The following APPBP2 variants were observed in gnomAD, a reference collection of about 807,000 sequenced individuals.
APPBP2 encodes amyloid protein-binding protein 2.
APPBP2 carries 15 observed loss-of-function variants against 76.0 expected under a neutral mutation model. That is an observed-to-expected ratio of 0.20 (90% CI 0.13 to 0.30). The LOEUF is 0.30. Ranked by LOEUF, APPBP2 falls within the 10% of genes least tolerant of loss-of-function variation. The pLI is 1.00. For missense variants in APPBP2, 401 were observed against 687.2 expected (o/e 0.58, Z 4.66); for synonymous variants, 222 against 242.2 (o/e 0.92, Z 0.77).
chr17:60,494,409 C>A (rs1157867367), intron 3 of APPBP2, 57 bp downstream of exon 3: 1 of 1,565,728 alleles, frequency 6.4e-7, no homozygotes, highest in Non-Finnish European at 8.6e-7. Context: ...TCTTTGTTAG[C>A]AGATTTAATT....
Position 60,462,019 on chromosome 17 carries a change from T to C in APPBP2, c.805A>G (p.Ile269Val). ...CGTGCCAAATACACTGCATGTTTAA[T>C]TAACTGTTCTGCCTTCTTAAATTCA... ...KREFKKAEQL[I>V]KHAVYLARDH... The change falls in exon 7 of 13, where the codon ATT becomes GTT. Residue 269 changes from isoleucine to valine, a missense_variant. This residue lies in a region of APPBP2 where 130 missense variants were observed against 322.7 expected (regional missense o/e 0.40). Transcript: ENST00000083182. 1.2e-6 allele frequency: 2 copies of C among 1,613,684 alleles called. No homozygotes were observed. The highest frequency in any genetic ancestry group is 1.7e-5 in the Admixed American group (1 of 60,018).
chr17:60,517,327 T>C (rs1219050423), intron 1 of APPBP2, among the ~76,000 whole-genome samples: 2 of 152,172 alleles, frequency 1.3e-5, no homozygotes, highest in East Asian at 3.8e-4. Flanking sequence ...AATGAGTCCT[T>C]TGTCAGATAC....
rs114231548 is a variant in APPBP2 at position 60,494,247 on chromosome 17, T to C, written c.379+219A>G. 4.4e-3 allele frequency among the ~76,000 whole-genome samples: 675 copies of C among 152,348 alleles called. 3 individuals are homozygous for C. Among genetic ancestry groups the C allele is most frequent in the African/African-American group, 0.015 (616 of 41,576 alleles). Reference sequence around the variant, plus strand: ...TGAGTCTGTTTCCTCATTTGTAAAATGCTATTAATACCATCACTTCGTTGG... The same window carrying C: ...TGAGTCTGTTTCCTCATTTGTAAAACGCTATTAATACCATCACTTCGTTGG... On this transcript the variant is annotated intron_variant, in intron 3 of 12. Coordinates refer to ENST00000083182, the MANE Select transcript of APPBP2 (RefSeq NM_006380.5).
At chr17:60,522,541 G>C (rs541457764) in intron 1 of APPBP2, among the ~76,000 whole-genome samples, 1 of 152,012 alleles carries the variant, frequency 6.6e-6, no homozygotes, top group East Asian at 1.9e-4. Context: ...GGCTGGTCTC[G>C]AACTCCTGTG....
intron 1 of APPBP2, among the ~76,000 whole-genome samples, chr17:60,507,707 C>T (rs73330212): frequency 0.2 from 29,661 of 152,056 alleles, 9,607 homozygotes; most frequent in African/African-American, 0.67. Context: ...TCGAGATTAA[C>T]CCGGTTGGTA....
intron 2 of APPBP2, 127 bp from the exon 3 acceptor site, chr17:60,494,744 T>C: frequency 1.1e-6 from 1 of 913,428 alleles, no homozygotes; most frequent in East Asian, 2.9e-5. Flanking sequence ...AAAAAGCATT[T>C]TGCCTTATCA....
At chr17:60,494,716 T>C in intron 2 of APPBP2, 99 bp from the exon 3 acceptor site, 3 of 1,103,242 alleles carry the variant, frequency 2.7e-6, no homozygotes, top group East Asian at 5.4e-5. Flanking sequence ...ACCATTATTT[T>C]CCAGGACGGA....
At chr17:60,460,503 G>C (rs2090468792) in intron 9 of APPBP2, 160 bp downstream of exon 9, 2 of 676,928 alleles carry the variant, frequency 3.0e-6, no homozygotes, top group South Asian at 3.6e-5. Context: ...ATGACTTCAA[G>C]AACATTTTAG....
At chr17:60,509,395 T>G (rs1281278865) in intron 1 of APPBP2, among the ~76,000 whole-genome samples, 1 of 150,488 alleles carries the variant, frequency 6.6e-6, no homozygotes, top group Non-Finnish European at 1.5e-5. Flanking sequence ...AAAAAAAACA[T>G]GTTTGAAACA....
chr17:60,517,023 T>C (rs2143497274), intron 1 of APPBP2, among the ~76,000 whole-genome samples: 1 of 152,312 alleles, frequency 6.6e-6, no homozygotes. Context: ...TCGCCCAGCC[T>C]GGAGTGCAAT....
chr17:60,464,104 T>C lies in APPBP2; in HGVS notation c.679A>G (p.Lys227Glu), dbSNP rs1345902088. The change falls in exon 6 of 13, where the codon AAA becomes GAA. Residue 227 changes from lysine (K) to glutamate (E), a missense_variant. This residue lies in a region of APPBP2 where 64 missense variants were observed against 72.9 expected (regional missense o/e 0.88). Coordinates refer to ENST00000083182, the MANE Select transcript of APPBP2 (RefSeq NM_006380.5). ...TCTTTCATTGCCTCGATGCACCATT[T>C]GTATGCCTAAAAAAATTATTTATAG... ...FAKSHYDEAY[K>E]WCIEAMKEIT... is the part of the protein sequence containing the mutation. The C allele has an allele frequency of 1.2e-6, 2 of 1,607,234 alleles. No homozygotes were observed. Among genetic ancestry groups the C allele is most frequent in the Non-Finnish European group, 1.7e-6 (2 of 1,177,596 alleles).
chr17:60,506,896 C>T (rs1024496252), intron 1 of APPBP2, among the ~76,000 whole-genome samples: 6 of 152,038 alleles, frequency 3.9e-5, no homozygotes, highest in Non-Finnish European at 5.9e-5. Flanking sequence ...ATTAGCTGGG[C>T]GTGGTGGCGG....
intron 9 of APPBP2, among the ~76,000 whole-genome samples, chr17:60,458,006 C>A (rs544806500): frequency 2.0e-5 from 3 of 150,556 alleles, no homozygotes; most frequent in Non-Finnish European, 4.4e-5. Flanking sequence ...GTTCTCTCTA[C>A]GGATTTGCCT....
chr17:60,465,126 A>T (rs1390018185), intron 5 of APPBP2: 1 of 152,128 alleles, frequency 6.6e-6, no homozygotes, highest in East Asian at 1.9e-4. Context: ...CTGGAAGAAA[A>T]GTCCAAGAGC....
intron 1 of APPBP2, among the ~76,000 whole-genome samples, chr17:60,524,610 GA>G (rs35185909): frequency 0.082 from 4,053 of 49,604 alleles, 29 homozygotes; most frequent in East Asian, 0.13. Context: ...TGCTAATTCT[GA>G]AAAAAAAAAA....
intron 1 of APPBP2, among the ~76,000 whole-genome samples, chr17:60,504,806 A>C (rs1268391208): frequency 1.3e-5 from 2 of 152,188 alleles, no homozygotes; most frequent in Admixed American, 6.5e-5. Flanking sequence ...TGTCTCAAAA[A>C]CAACCAACCA....
At chr17:60,471,994 T>G (rs901113243) in intron 4 of APPBP2, among the ~76,000 whole-genome samples, 1 of 151,988 alleles carries the variant, frequency 6.6e-6, no homozygotes, top group Non-Finnish European at 1.5e-5. Context: ...GGTGTGGTGG[T>G]GGGAGCCTGT....
rs186682916 is a variant in APPBP2, at chr17:60,448,324, G to A, written c.1505-490C>T. 2.4e-3 allele frequency among the ~76,000 whole-genome samples: 370 copies of A among 152,266 alleles called. 6 individuals carry two copies. Among genetic ancestry groups the A allele is most frequent in the African/African-American group, 8.2e-3 (340 of 41,558 alleles). Reference sequence around the variant, plus strand: ...CTAAAAATACAAAAATTAGCTGGGCGTGGTGGTGCATGCTTGTAATCCCAG... The same window carrying A: ...CTAAAAATACAAAAATTAGCTGGGCATGGTGGTGCATGCTTGTAATCCCAG... On this transcript the variant is annotated intron_variant, in intron 12 of 12. Transcript: ENST00000083182.
intron 3 of APPBP2, among the ~76,000 whole-genome samples, chr17:60,482,904 T>C (rs1006126702): frequency 3.9e-5 from 6 of 152,238 alleles, no homozygotes; most frequent in Non-Finnish European, 4.4e-5. Flanking sequence ...TGTGCATATG[T>C]CTTTATAGTA....
Sources: allele counts gnomAD v4.1 joint callset (sites outside exome capture counted in the v4.1 genomes callset), GRCh38; gene constraint gnomAD v4.1.1; regional missense constraint gnomAD v4.1.1; transcripts MANE v1.5; gene names NCBI Gene and HGNC (gene_info 2026-07-23, HGNC 2026-07-21).